Variants in PLEKHH2 observed in about 807,000 individuals in gnomAD.
PLEKHH2 encodes pleckstrin homology, MyTH4 and FERM domain containing H2, also known as pleckstrin homology domain-containing family H member 2.
In PLEKHH2, 129 loss-of-function variants were observed where a neutral mutation model predicts 187.9. The observed-to-expected ratio is 0.69, with a 90% confidence interval of 0.59 to 0.79. PLEKHH2 has a LOEUF of 0.79. Ranked by LOEUF, PLEKHH2 falls within the 30% of genes least tolerant of loss-of-function variation. PLEKHH2 has a pLI of 0.00. For missense variants in PLEKHH2, 2,076 were observed against 1,751.2 expected (o/e 1.19, Z -3.31); for synonymous variants, 686 against 605.6 (o/e 1.13, Z -1.95).
At chr2:43,674,744 G>T (rs1308854227) in intron 2 of PLEKHH2, among the ~76,000 whole-genome samples, 1 of 152,054 alleles carries the variant, frequency 6.6e-6, no homozygotes, top group Non-Finnish European at 1.5e-5. Context: ...CAGCACTTTG[G>T]GAGGCTGAGG....
chr2:43,699,550 A>G (rs1202903073), intron 7 of PLEKHH2, 97 bp from the exon 8 acceptor site: 7 of 1,429,410 alleles, frequency 4.9e-6, no homozygotes, highest in African/African-American at 4.3e-5. Context: ...GCAAATTTCT[A>G]CAGTGTCAAT....
intron 19 of PLEKHH2, among the ~76,000 whole-genome samples, chr2:43,737,653 G>C (rs780748442): frequency 6.6e-6 from 1 of 152,184 alleles, no homozygotes; most frequent in Non-Finnish European, 1.5e-5. Context: ...CACTACATGG[G>C]CCTCTCCAAA....
chr2:43,711,076 C>A lies in PLEKHH2; in HGVS notation c.2301+501C>A, dbSNP rs1669940740. The A allele has an allele frequency of 8.1e-6, 8 of 986,640 alleles. No individual in the cohort carries two copies. The South Asian group carries it at 3.8e-4, about 46-fold the overall frequency. 61.1% of individuals were successfully genotyped at this position (986,640 alleles called of 1,614,324 possible). On this transcript the variant is annotated intron_variant, in intron 14 of 29. Transcript: ENST00000282406. Reference sequence around the variant, plus strand: ...GCAAGTCACACTGTAGGGGCAGCTGCTGCCCATTTTACTCACACATAAGGC... The same window carrying A: ...GCAAGTCACACTGTAGGGGCAGCTGATGCCCATTTTACTCACACATAAGGC...
intron 3 of PLEKHH2, among the ~76,000 whole-genome samples, chr2:43,690,495 C>G (rs1248952376): frequency 3.3e-5 from 5 of 152,142 alleles, no homozygotes; most frequent in Admixed American, 2.0e-4. Context: ...TAAATCCAAA[C>G]CAACCTTTAT....
At chr2:43,720,456 C>G (rs1210647650) in intron 15 of PLEKHH2, among the ~76,000 whole-genome samples, 1 of 152,170 alleles carries the variant, frequency 6.6e-6, no homozygotes, top group African/African-American at 2.4e-5. Flanking sequence ...CTCTACCCTG[C>G]TAGTCCACAG....
chr2:43,682,400 G>C (rs1243909900), intron 3 of PLEKHH2, among the ~76,000 whole-genome samples: 1 of 152,014 alleles, frequency 6.6e-6, no homozygotes, highest in Non-Finnish European at 1.5e-5. Flanking sequence ...TCCACCTCCT[G>C]AGTTCAAGCG....
intron 20 of PLEKHH2, among the ~76,000 whole-genome samples, chr2:43,739,110 C>T (rs1252391024): frequency 6.6e-6 from 1 of 152,158 alleles, no homozygotes; most frequent in Admixed American, 6.5e-5. Flanking sequence ...AGGCTGGCCT[C>T]GAACTCCTGA....
intron 14 of PLEKHH2, chr2:43,711,280 G>T (rs1669952554): frequency 1.0e-6 from 1 of 985,418 alleles, no homozygotes; most frequent in East Asian, 1.1e-4. Context: ...AATGTTTCCA[G>T]TGATTTGTAC....
intron 3 of PLEKHH2, among the ~76,000 whole-genome samples, chr2:43,687,462 G>T (rs1328547014): frequency 6.6e-6 from 1 of 152,178 alleles, no homozygotes; most frequent in African/African-American, 2.4e-5. Flanking sequence ...ACATAGAAGT[G>T]CATGTGTCTT....
At chr2:43,750,687 C>G (rs1671975068) in intron 24 of PLEKHH2, among the ~76,000 whole-genome samples, 1 of 152,142 alleles carries the variant, frequency 6.6e-6, no homozygotes. Context: ...GATGAGGTAA[C>G]TGAAGCTTTA....
In PLEKHH2 at chr2:43,644,742, A is replaced by T. The variant is rs779851831; in HGVS notation, c.69A>T (p.Gln23His). Residue 23 changes from glutamine (Q) to histidine (H), a missense_variant, in exon 2 of 30, where the codon CAA becomes CAT. Coordinates refer to ENST00000282406, the MANE Select transcript of PLEKHH2 (RefSeq NM_172069.4). Reference protein sequence around the residue: ...WKERCVALESQLMKFRVQASK... With the variant: ...WKERCVALESHLMKFRVQASK... The stretch of plus-strand genomic sequence containing the variant: ...AACGATGTGTAGCTCTGGAGTCCCA[A>T]CTCATGAAATTTAGAGTTCAAGCAA... 1 of 1,610,102 alleles carries T rather than the reference A, an allele frequency of 6.2e-7. No individual in the cohort carries two copies. The highest frequency in any genetic ancestry group is 1.3e-5 in the African/African-American group (1 of 74,806).
At chr2:43,759,099 A>G in intron 27 of PLEKHH2, 70 bp downstream of exon 27, 6 of 1,497,970 alleles carry the variant, frequency 4.0e-6, no homozygotes, top group East Asian at 2.4e-5. Flanking sequence ...TTTACCCCAG[A>G]CTTAGTATCC....
At chr2:43,739,323 G>T (rs1558597420) in intron 20 of PLEKHH2, among the ~76,000 whole-genome samples, 2 of 152,128 alleles carry the variant, frequency 1.3e-5, no homozygotes, top group Non-Finnish European at 2.9e-5. Flanking sequence ...TATTGACTCA[G>T]GATGCGTTTC....
chr2:43,723,046 C>T (rs906526193), intron 16 of PLEKHH2, among the ~76,000 whole-genome samples: 11 of 152,120 alleles, frequency 7.2e-5, no homozygotes, highest in African/African-American at 2.7e-4. Context: ...CTTATCAAGG[C>T]ATGGTGCATC....
intron 1 of PLEKHH2, among the ~76,000 whole-genome samples, chr2:43,642,981 G>A (rs1348840335): frequency 6.6e-6 from 1 of 152,004 alleles, no homozygotes; most frequent in African/African-American, 2.4e-5. Flanking sequence ...ACGTAAAGAT[G>A]CCCCTTTCAG....
At chr2:43,688,995 GC>G (rs113881499) in intron 3 of PLEKHH2, among the ~76,000 whole-genome samples, 23,650 of 152,056 alleles carry the variant, frequency 0.16, 1,931 homozygotes, top group Middle Eastern at 0.24. Context: ...TTGGCCCAGG[GC>G]CCCAGGTGAA....
At chr2:43,762,256 T>G (rs1340583919) in intron 27 of PLEKHH2, 48 bp from the exon 28 acceptor site, 1 of 1,351,072 alleles carries the variant, frequency 7.4e-7, no homozygotes, top group East Asian at 2.3e-5. Context: ...AATATTCCTG[T>G]AATTTTGCTT....
At chr2:43,727,618 C>T (rs1370313854) in intron 17 of PLEKHH2, among the ~76,000 whole-genome samples, 1 of 152,078 alleles carries the variant, frequency 6.6e-6, no homozygotes, top group East Asian at 1.9e-4. Flanking sequence ...ATTATTGTTA[C>T]TATTGATCAT....
At position 43,731,506 on chromosome 2, in the gene PLEKHH2, A is replaced by G. The variant is rs760709997; in HGVS notation, c.2847A>G (p.Arg949=). 6.3e-7 allele frequency: 1 copy of G among 1,596,836 alleles called. No homozygotes were observed. The highest frequency in any genetic ancestry group is 8.6e-7 in the Non-Finnish European group (1 of 1,165,044). ...IDGEPSSQIW[R]HPTLCHSKEG... ...TGCATTTAGCCTCTCAGATATGGAG[A>G]CACCCCACTTTGTGTCACAGTAAAG... Residue 949 remains arginine (R), a synonymous_variant, in exon 19 of 30, where the codon AGA becomes AGG. Coordinates refer to ENST00000282406, the MANE Select transcript of PLEKHH2 (RefSeq NM_172069.4).
Sources: gnomAD v4.1 joint callset for allele counts (sites outside exome capture counted in the v4.1 genomes callset) on GRCh38, gnomAD v4.1.1 for gene constraint, MANE v1.5 for transcripts, NCBI Gene and HGNC (gene_info 2026-07-23, HGNC 2026-07-21) for gene names.